FUT8: variants seen among roughly 807,000 people sequenced by gnomAD.
FUT8 encodes alpha-(1,6)-fucosyltransferase.
Under a neutral mutation model 71.3 loss-of-function variants are expected in FUT8, and 29 were observed. The ratio of observed to expected loss-of-function variants is 0.41; its 90% CI spans 0.30 to 0.55. FUT8 has a LOEUF of 0.55. Ranked by LOEUF, FUT8 falls within the 20% of genes least tolerant of loss-of-function variation. The pLI is 0.34. For synonymous variants in FUT8, 254 were observed against 239.3 expected, an observed-to-expected ratio of 1.06 and a Z score of -0.57; for missense variants, 544 against 702.1, an observed-to-expected ratio of 0.77 and a Z score of 2.55.
chr14:65,467,814 A>G lies in FUT8; in HGVS notation c.-228+12096A>G, dbSNP rs753522601. 1.5e-5 allele frequency: 11 copies of G among 745,226 alleles called. No homozygotes were observed. The highest frequency in any genetic ancestry group is 8.7e-5 in the African/African-American group (5 of 57,586). The allele number at this position is 745,226 out of a possible 1,614,324, so 46.2% of individuals were successfully genotyped here. ...TATTTTTTTTAACACCTGTTATGCT[A>G]TGAATTCACAGGGAATAGGTTCCAG... On this transcript the variant is annotated intron_variant, in intron 2 of 10. Coordinates refer to ENST00000673929, the MANE Select transcript of FUT8 (RefSeq NM_001371533.1). This position sits in a 1 kb window ranked among gnomAD's most constrained non-coding sequence, Gnocchi z 4.1.
At chr14:65,659,834 A>T (rs1244443298) in intron 6 of FUT8, among the ~76,000 whole-genome samples, 2 of 152,010 alleles carry the variant, frequency 1.3e-5, no homozygotes, top group African/African-American at 2.4e-5. Flanking sequence ...GAGGAAAGAG[A>T]CCGTAATGAA....
intron 7 of FUT8, among the ~76,000 whole-genome samples, chr14:65,695,576 C>G (rs899082776): frequency 6.6e-6 from 1 of 152,072 alleles, no homozygotes; most frequent in Non-Finnish European, 1.5e-5. Flanking sequence ...TTTGTGTTAG[C>G]ATGGTGTATT....
rs1372455370 is a variant in FUT8 at position 65,555,678 on chromosome 14, A to T, written c.-227-5659A>T. Among the ~76,000 whole-genome samples, 3 of 152,296 alleles carry T rather than the reference A, an allele frequency of 2.0e-5. No homozygotes were observed. In the East Asian group the frequency reaches 5.8e-4, roughly 29 times the overall value. On this transcript the variant is annotated intron_variant, in intron 2 of 10. Transcript: ENST00000673929. ...GAAGGCTAAAGTGATCATAGGGCTT[A>T]CTTTTATTGTTAATTTTCTCTCAGA... is the stretch of plus-strand genomic sequence containing the variant.
rs556361515 is a variant in FUT8 at position 65,509,709 on chromosome 14, T to C, written c.-227-51628T>C. Among the ~76,000 whole-genome samples, 5 of 152,312 alleles carry C rather than the reference T, an allele frequency of 3.3e-5. No individual in the cohort carries two copies. The East Asian group carries it at 7.7e-4, about 23-fold the overall frequency. On this transcript the variant is annotated intron_variant, in intron 2 of 10. Transcript: ENST00000673929. ...ATTGTAAATGGGACTGCTTTTTAAA[T>C]TTCTTTTTCAATTTGTTCACATTTC...
chr14:65,499,113 G>T (rs2066605811), intron 2 of FUT8, among the ~76,000 whole-genome samples: 1 of 152,154 alleles, frequency 6.6e-6, no homozygotes, highest in Admixed American at 6.6e-5. Context: ...TGATCTCACT[G>T]TATGTTGCCC....
chr14:65,503,951 G>T (rs976229424), intron 2 of FUT8, among the ~76,000 whole-genome samples: 4 of 152,208 alleles, frequency 2.6e-5, no homozygotes, highest in African/African-American at 9.6e-5. Flanking sequence ...AATATTTATA[G>T]AAGATAATCT....
intron 3 of FUT8, among the ~76,000 whole-genome samples, chr14:65,606,328 C>T (rs1888585747): frequency 6.6e-6 from 1 of 151,616 alleles, no homozygotes; most frequent in South Asian, 2.1e-4. Flanking sequence ...CCACCTGCCT[C>T]AGCCTCCCGA....
intron 5 of FUT8, among the ~76,000 whole-genome samples, chr14:65,619,533 G>T (rs891081249): frequency 2.6e-5 from 4 of 152,224 alleles, no homozygotes; most frequent in Non-Finnish European, 5.9e-5. Flanking sequence ...TTATTTACCT[G>T]ATTGGCCTTG....
At chr14:65,675,385 A>G (rs895673399) in intron 7 of FUT8, among the ~76,000 whole-genome samples, 2 of 152,216 alleles carry the variant, frequency 1.3e-5, no homozygotes, top group African/African-American at 4.8e-5. Context: ...AATTTTATTT[A>G]CTGGTAGGTA....
chr14:65,465,390 T>TA (rs1348056622), intron 2 of FUT8, among the ~76,000 whole-genome samples: 1 of 152,230 alleles, frequency 6.6e-6, no homozygotes, highest in Non-Finnish European at 1.5e-5. Context: ...CAGGCTGGTC[T>TA]AGAGCTCCTA....
rs1344504852 is a variant in FUT8, at chr14:65,652,963, A to G, written c.598-16280A>G. Among the ~76,000 whole-genome samples the G allele has an allele frequency of 6.6e-6, 1 of 152,156 alleles. No homozygotes were observed. The highest frequency in any genetic ancestry group is 1.5e-5 in the Non-Finnish European group (1 of 68,020). On this transcript the variant is annotated intron_variant, in intron 6 of 10. Transcript: ENST00000673929. The surrounding 1 kb of genome is among the most constrained non-coding windows in gnomAD (Gnocchi z 4.0). ...CTTTTCAGTATTGCAACTTCAAGGTAGTAGGATTTTTTACAAGGTAGCTGA... is the reference window on the plus strand; with the variant it reads ...CTTTTCAGTATTGCAACTTCAAGGTGGTAGGATTTTTTACAAGGTAGCTGA...
chr14:65,617,959 G>A (rs1889370327), intron 5 of FUT8, among the ~76,000 whole-genome samples: 2 of 142,124 alleles, frequency 1.4e-5, no homozygotes, highest in Non-Finnish European at 3.0e-5. Flanking sequence ...AAAGATTTGA[G>A]TAATCAAATA....
chr14:65,431,271 G>C (rs1444669473), intron 1 of FUT8, among the ~76,000 whole-genome samples: 1 of 149,392 alleles, frequency 6.7e-6, no homozygotes, highest in Non-Finnish European at 1.5e-5. Context: ...CAAAGTGTGG[G>C]ATTACAGGTG....
At chr14:65,492,740 T>C (rs2066500392) in intron 2 of FUT8, among the ~76,000 whole-genome samples, 1 of 152,142 alleles carries the variant, frequency 6.6e-6, no homozygotes, top group African/African-American at 2.4e-5. Context: ...TAAAACATAA[T>C]GTAAATGTCT....
At chr14:65,364,348 C>T in the FUT8 span, among the ~76,000 whole-genome samples, 5 of 152,052 alleles carry the variant, frequency 3.3e-5, no homozygotes, top group Non-Finnish European at 7.3e-5. Flanking sequence ...GGATTACAGG[C>T]ACCCGCCACC....
At chr14:65,492,330 A>G (rs772690236) in intron 2 of FUT8, among the ~76,000 whole-genome samples, 1 of 152,214 alleles carries the variant, frequency 6.6e-6, no homozygotes, top group Non-Finnish European at 1.5e-5. Flanking sequence ...ATTGTGAGCT[A>G]TAACAAGTGG....
intron 3 of FUT8, among the ~76,000 whole-genome samples, chr14:65,565,225 C>G (rs568278352): frequency 6.6e-6 from 1 of 152,048 alleles, no homozygotes; most frequent in South Asian, 2.1e-4. Flanking sequence ...TCAGTCATCT[C>G]TGAAGGAGGA....
At chr14:65,676,501 A>G (rs1382083554) in intron 7 of FUT8, among the ~76,000 whole-genome samples, 1 of 152,206 alleles carries the variant, frequency 6.6e-6, no homozygotes, top group Non-Finnish European at 1.5e-5. Context: ...AATTATTACA[A>G]ATTGAGTCGT....
intron 7 of FUT8, among the ~76,000 whole-genome samples, chr14:65,705,138 AGTT>A: frequency 6.6e-6 from 1 of 152,254 alleles, no homozygotes; most frequent in Non-Finnish European, 1.5e-5. Context: ...TAGTCTTTCA[AGTT>A]GTTGACTAAG....
Sources: allele counts gnomAD v4.1 joint callset (sites outside exome capture counted in the v4.1 genomes callset), GRCh38; gene constraint gnomAD v4.1.1; non-coding constraint Gnocchi (gnomAD v3.1); transcripts MANE v1.5; gene names NCBI Gene and HGNC (gene_info 2026-07-23, HGNC 2026-07-21).